SLF1: variants seen among roughly 807,000 people sequenced by gnomAD.
SLF1 encodes the protein SMC5/6 complex localization factor 1.
SLF1 carries 105 observed loss-of-function variants against 123.0 expected under a neutral mutation model. That is an observed-to-expected ratio of 0.85 (90% confidence interval 0.73 to 1.00). SLF1 has a LOEUF of 1.00. Among genes scored for constraint, SLF1 ranks in the 50% least tolerant of loss-of-function variants. SLF1 has a pLI of 0.00. For missense variants in SLF1, 1,239 were observed against 1,223.0 expected (o/e 1.01, Z -0.20); for synonymous variants, 434 against 406.6 (o/e 1.07, Z -0.81).
rs1277679467 is a variant in SLF1 at position 94,696,530 on chromosome 5, TGCCAAAGTATCA to T, written c.*1220_*1231del. ...CATACAAATCTCTTTATTATTAATC[TGCCAAAGTATCA>T]GACAAAAAATGATATAGTGAAGACT... On this transcript the variant is annotated 3_prime_UTR_variant, in exon 21 of 21. Transcript: ENST00000265140. 2.0e-5 allele frequency: 3 copies of T among 151,858 alleles called. No homozygotes were observed. The highest frequency in any genetic ancestry group is 4.4e-5 in the Non-Finnish European group (3 of 67,862). 9.4% of individuals were successfully genotyped at this position (151,858 alleles called of 1,614,324 possible). A position where few individuals can be genotyped will look rare whatever the true frequency, so the allele number is the denominator to read the frequency against.
intron 15 of SLF1, among the ~76,000 whole-genome samples, chr5:94,684,431 G>A (rs1752149788): frequency 1.3e-5 from 2 of 152,042 alleles, no homozygotes; most frequent in African/African-American, 4.8e-5. Flanking sequence ...AGGTGCGGTG[G>A]GTCACCCCTG....
chr5:94,694,775 T>G (rs1753403184), intron 20 of SLF1, 56 bp from the exon 21 acceptor site: 2 of 1,512,264 alleles, frequency 1.3e-6, no homozygotes, highest in Admixed American at 4.6e-5. Flanking sequence ...AAAGAGCTGT[T>G]AAGCTGCCAA....
At chr5:94,670,776 G>A (rs1384946766) in intron 13 of SLF1, 67 bp from the exon 14 acceptor site, 27 of 1,153,438 alleles carry the variant, frequency 2.3e-5, no homozygotes. Flanking sequence ...TTTGACAGGA[G>A]AGATGTCAAG....
At chr5:94,619,254 GA>G (rs1791386524) in intron 1 of SLF1, among the ~76,000 whole-genome samples, 1 of 152,020 alleles carries the variant, frequency 6.6e-6, no homozygotes, top group African/African-American at 2.4e-5. Flanking sequence ...CTGTGACGAA[GA>G]AAATTGTGTC....
intron 18 of SLF1, among the ~76,000 whole-genome samples, chr5:94,690,676 T>C (rs1163126299): frequency 6.6e-6 from 1 of 152,182 alleles, no homozygotes; most frequent in South Asian, 2.1e-4. Context: ...TAGTATTTTA[T>C]AGTAAGAACA....
At chr5:94,627,585 CAT>C (rs58847356) in intron 1 of SLF1, among the ~76,000 whole-genome samples, 6,965 of 86,456 alleles carry the variant, frequency 0.081, 255 homozygotes, top group African/African-American at 0.1. Flanking sequence ...ATGAAATTAA[CAT>C]ATATATATAT....
chr5:94,640,063 A>G (rs1746273522), intron 4 of SLF1, among the ~76,000 whole-genome samples: 1 of 152,196 alleles, frequency 6.6e-6, no homozygotes. Flanking sequence ...ATGTATCTTC[A>G]GTATTTGACT....
rs376051198 is a variant in SLF1, at chr5:94,638,803, C to T, written c.432-4470C>T. On this transcript the variant is annotated intron_variant, in intron 4 of 20. Transcript: ENST00000265140. Reference sequence around the variant, plus strand: ...TGATATTAATTGGATTTGTCTGATACTAATATAGCCACTTTAGCACTCCTT... The same window carrying T: ...TGATATTAATTGGATTTGTCTGATATTAATATAGCCACTTTAGCACTCCTT... 2.0e-5 allele frequency among the ~76,000 whole-genome samples: 3 copies of T among 152,140 alleles called. No homozygotes were observed. In the East Asian group the frequency reaches 5.8e-4, roughly 29 times the overall value.
At chr5:94,656,499 C>A (rs1748396717) in intron 9 of SLF1, among the ~76,000 whole-genome samples, 1 of 151,820 alleles carries the variant, frequency 6.6e-6, no homozygotes, top group Admixed American at 6.6e-5. Flanking sequence ...GTAATGGTGG[C>A]CTTGTAGAAC....
intron 5 of SLF1, among the ~76,000 whole-genome samples, chr5:94,645,217 A>G (rs1184863452): frequency 1.3e-5 from 2 of 152,224 alleles, no homozygotes; most frequent in African/African-American, 4.8e-5. Context: ...GACTCCTGCT[A>G]GTTATGAACA....
At chr5:94,683,133 AT>A (rs572678340) in intron 15 of SLF1, among the ~76,000 whole-genome samples, 1 of 152,298 alleles carries the variant, frequency 6.6e-6, no homozygotes, top group South Asian at 2.1e-4. Flanking sequence ...ACTTTAATAA[AT>A]TTCCTTTGCC....
In SLF1 at chr5:94,649,566, G is replaced by A. The variant is rs1396127816; in HGVS notation, c.707G>A (p.Gly236Asp). Residue 236 changes from glycine (G) to aspartate (D), a missense_variant, in exon 6 of 21, where the codon GGT becomes GAT. Gly to Asp is a moderately conservative substitution (Grantham distance 94, BLOSUM62 -1). Transcript: ENST00000265140. ...GATGCAGGATTTCTTGAAATGAAAG[G>A]TGCCTTAAGAGAGACCATGTATAGA... Reference protein sequence around the residue: ...RKDAGFLEMKGALRETMYRTQ... With the variant: ...RKDAGFLEMKDALRETMYRTQ... The A allele has an allele frequency of 1.2e-5, 18 of 1,537,016 alleles. No individual in the cohort carries two copies. Among genetic ancestry groups the A allele is most frequent in the Non-Finnish European group, 1.3e-5 (15 of 1,136,990 alleles).
At chr5:94,618,957 C>G (rs925112723) in intron 1 of SLF1, among the ~76,000 whole-genome samples, 192 bp downstream of exon 1, 3 of 152,198 alleles carry the variant, frequency 2.0e-5, no homozygotes, top group Non-Finnish European at 2.9e-5. Flanking sequence ...CGACTTCGCG[C>G]TCGGCGCCGG....
At chr5:94,682,663 T>C (rs1202302603) in intron 15 of SLF1, among the ~76,000 whole-genome samples, 1 of 152,202 alleles carries the variant, frequency 6.6e-6, no homozygotes, top group Non-Finnish European at 1.5e-5. Flanking sequence ...AGAAGATAAA[T>C]AAAATTTTTT....
At chr5:94,676,910 A>G (rs1009880760) in intron 14 of SLF1, among the ~76,000 whole-genome samples, 2 of 152,242 alleles carry the variant, frequency 1.3e-5, no homozygotes, top group Admixed American at 1.3e-4. Flanking sequence ...GAATATACAT[A>G]TAAGAAATTT....
At position 94,697,419 on chromosome 5, in the gene SLF1, A is replaced by G. The variant is rs569392775; in HGVS notation, c.*2107A>G. The G allele has an allele frequency of 2.6e-5, 4 of 152,046 alleles. No individual in the cohort carries two copies. The highest frequency in any genetic ancestry group is 9.6e-5 in the African/African-American group (4 of 41,530). The allele number at this position is 152,046 out of a possible 1,614,324, so 9.4% of individuals were successfully genotyped here. A position where few individuals can be genotyped will look rare whatever the true frequency, so the allele number is the denominator to read the frequency against. ...GGAAGAAGAAATTCTCAATAAGTAA[A>G]GTATAATTCATAGTCTTAGTCCTAG... On this transcript the variant is annotated 3_prime_UTR_variant, in exon 21 of 21. Transcript: ENST00000265140.
chr5:94,642,121 A>T (rs1393870623), intron 4 of SLF1, among the ~76,000 whole-genome samples: 1 of 152,248 alleles, frequency 6.6e-6, no homozygotes, highest in African/African-American at 2.4e-5. Flanking sequence ...GTCTGAAGGC[A>T]AAAGACTGTC....
chr5:94,625,429 G>C (rs1241440257), intron 1 of SLF1, among the ~76,000 whole-genome samples: 1 of 151,652 alleles, frequency 6.6e-6, no homozygotes, highest in East Asian at 1.9e-4. Context: ...TGTCACCCAG[G>C]CTGGAGTGCA....
At chr5:94,636,907 A>G (rs1745868626) in intron 4 of SLF1, among the ~76,000 whole-genome samples, 1 of 151,690 alleles carries the variant, frequency 6.6e-6, no homozygotes, top group South Asian at 2.1e-4. Context: ...TTTAGTGAAG[A>G]TGGAGTTTTG....
Sources: gnomAD v4.1 joint callset for allele counts (sites outside exome capture counted in the v4.1 genomes callset) on GRCh38, gnomAD v4.1.1 for gene constraint, MANE v1.5 for transcripts, NCBI Gene and HGNC (gene_info 2026-07-23, HGNC 2026-07-21) for gene names.